DLG2: variants seen among roughly 807,000 people sequenced by gnomAD.
DLG2 encodes discs large MAGUK scaffold protein 2, also known as disks large homolog 2.
Under a neutral mutation model 132.5 loss-of-function variants are expected in DLG2, and 45 were observed. That is an observed-to-expected ratio of 0.34 (90% CI 0.27 to 0.44). The LOEUF is 0.44. Ranked by LOEUF, DLG2 falls within the 20% of genes least tolerant of loss-of-function variation. The pLI, the probability that DLG2 is intolerant of heterozygous loss-of-function variation, is 1.00. For synonymous variants in DLG2, 424 were observed against 419.6 expected (o/e 1.01, Z -0.13); for missense variants, 1,045 against 1,196.9 (o/e 0.87, Z 1.87).
At chr11:85,298,395 T>G (rs536209781) in intron 3 of DLG2, among the ~76,000 whole-genome samples, 1 of 152,288 alleles carries the variant, frequency 6.6e-6, no homozygotes, top group African/African-American at 2.4e-5. Flanking sequence ...ACTTCAATTG[T>G]GTGCTCAGAG....
intron 4 of DLG2, among the ~76,000 whole-genome samples, chr11:85,202,987 A>C (rs2081578693): frequency 6.6e-6 from 1 of 151,198 alleles, no homozygotes; most frequent in African/African-American, 2.4e-5. Flanking sequence ...ACAGAGCTAG[A>C]AAATAAGAAC....
chr11:83,821,286 G>A (rs1432715065), intron 17 of DLG2, among the ~76,000 whole-genome samples: 1 of 152,192 alleles, frequency 6.6e-6, no homozygotes, highest in South Asian at 2.1e-4. Context: ...GTTAGAGGAC[G>A]CTCATCGACT....
chr11:84,297,722 C>T (rs2098110194), intron 7 of DLG2, among the ~76,000 whole-genome samples: 1 of 151,940 alleles, frequency 6.6e-6, no homozygotes, highest in African/African-American at 2.4e-5. Context: ...AGTAAAATGC[C>T]GACTTCCTTC....
Position 85,511,549 on chromosome 11 carries a change from A to T in DLG2, c.40+87108T>A, listed in dbSNP as rs575160114. Among the ~76,000 whole-genome samples, 5 of 152,072 alleles carry T rather than the reference A, an allele frequency of 3.3e-5. No homozygotes were observed. In the South Asian group the frequency reaches 1.0e-3, roughly 32 times the overall value. On this transcript the variant is annotated intron_variant, in intron 3 of 27. Transcript: ENST00000376104. ...GGTTGCCTCAGAGACTGAACATCCC[A>T]TTACTGCAAGTAATCAAGCAGAACC...
chr11:84,081,538 A>G (rs2096903606), intron 10 of DLG2, among the ~76,000 whole-genome samples: 1 of 152,140 alleles, frequency 6.6e-6, no homozygotes, highest in African/African-American at 2.4e-5. Flanking sequence ...AAGTGTTCTC[A>G]TTGTTAAATT....
intron 17 of DLG2, among the ~76,000 whole-genome samples, chr11:83,792,844 C>A (rs1367405190): frequency 6.6e-6 from 1 of 152,028 alleles, no homozygotes; most frequent in Non-Finnish European, 1.5e-5. Context: ...ATATGAATGT[C>A]AAATTTTGAT....
chr11:84,601,228 G>C (rs1345826993), intron 6 of DLG2, among the ~76,000 whole-genome samples: 4 of 151,780 alleles, frequency 2.6e-5, no homozygotes, highest in African/African-American at 9.7e-5. Context: ...GAATTGTTTT[G>C]AAACACACAC....
At chr11:84,534,779 T>C (rs2099351290) in intron 6 of DLG2, 48 bp from the exon 7 acceptor site, 1 of 1,586,870 alleles carries the variant, frequency 6.3e-7, no homozygotes, top group Non-Finnish European at 8.6e-7. Flanking sequence ...TCAGTGTTTG[T>C]AAAGGATATA....
intron 6 of DLG2, among the ~76,000 whole-genome samples, chr11:84,944,829 C>T (rs1343667287): frequency 7.9e-5 from 12 of 152,106 alleles, no homozygotes; most frequent in Admixed American, 5.2e-4. Flanking sequence ...TGGTCTTGAT[C>T]GCCTGACCTC....
intron 21 of DLG2, among the ~76,000 whole-genome samples, chr11:83,502,557 A>T (rs2094492872): frequency 6.6e-6 from 1 of 152,132 alleles, no homozygotes; most frequent in Non-Finnish European, 1.5e-5. Flanking sequence ...GATGGGTATG[A>T]AGTAATATGC....
chr11:84,520,158 A>T (rs987623963), intron 7 of DLG2, among the ~76,000 whole-genome samples: 1 of 152,164 alleles, frequency 6.6e-6, no homozygotes, highest in Non-Finnish European at 1.5e-5. Flanking sequence ...TAAAACAAAA[A>T]TTTTTTAACT....
chr11:84,418,874 G>A (rs1360052673), intron 7 of DLG2, among the ~76,000 whole-genome samples: 1 of 152,052 alleles, frequency 6.6e-6, no homozygotes, highest in Non-Finnish European at 1.5e-5. Context: ...TTTATAATCA[G>A]TTAATTTTCC....
intron 6 of DLG2, among the ~76,000 whole-genome samples, chr11:85,034,591 T>C (rs1040104669): frequency 1.7e-4 from 26 of 152,122 alleles, no homozygotes; most frequent in African/African-American, 6.3e-4. Flanking sequence ...TTCTCCAGCA[T>C]AAGAACTGAG....
At chr11:84,286,614 T>C (rs1425577372) in intron 7 of DLG2, among the ~76,000 whole-genome samples, 2 of 152,210 alleles carry the variant, frequency 1.3e-5, no homozygotes. Context: ...AGCATGCTAA[T>C]GCACTTCCAT....
At chr11:84,109,852 C>G (rs142837533) in intron 9 of DLG2, among the ~76,000 whole-genome samples, 1 of 152,148 alleles carries the variant, frequency 6.6e-6, no homozygotes, top group Admixed American at 6.6e-5. Context: ...CTCAACAATT[C>G]TTATTACCAT....
At chr11:84,902,727 C>A (rs2091041444) in intron 6 of DLG2, among the ~76,000 whole-genome samples, 1 of 152,096 alleles carries the variant, frequency 6.6e-6, no homozygotes, top group African/African-American at 2.4e-5. Flanking sequence ...CACTGAATGC[C>A]TCTCAGGGCT....
intron 6 of DLG2, among the ~76,000 whole-genome samples, chr11:85,060,266 CAT>C (rs2154158879): frequency 6.6e-6 from 1 of 151,164 alleles, no homozygotes; most frequent in Non-Finnish European, 1.5e-5. Context: ...CATATTGTAG[CAT>C]ATGACAAGAT....
chr11:84,804,218 C>G (rs2075747350), intron 6 of DLG2, among the ~76,000 whole-genome samples: 1 of 152,176 alleles, frequency 6.6e-6, no homozygotes, highest in Non-Finnish European at 1.5e-5. Context: ...CAGACTGTGA[C>G]TACTGCCAAC....
chr11:84,371,951 G>A lies in DLG2; in HGVS notation c.520-120660C>T, dbSNP rs980211930. On this transcript the variant is annotated intron_variant, in intron 7 of 27. Transcript: ENST00000376104. ...AAAATCATAATATTCTGAAATGGCT[G>A]TATTTTAGTATGTGATTTTAAAAAA... is the stretch of plus-strand genomic sequence containing the variant. Among the ~76,000 whole-genome samples the A allele has an allele frequency of 2.0e-5, 3 of 152,166 alleles. No individual in the cohort carries two copies. The South Asian group carries it at 6.2e-4, about 31-fold the overall frequency.
Sources: gnomAD v4.1 joint callset for allele counts (sites outside exome capture counted in the v4.1 genomes callset) on GRCh38, gnomAD v4.1.1 for gene constraint, MANE v1.5 for transcripts, NCBI Gene and HGNC (gene_info 2026-07-23, HGNC 2026-07-21) for gene names.